The following MALT1 variants were observed in gnomAD, a reference collection of about 807,000 sequenced individuals.
MALT1 encodes the protein mucosa-associated lymphoid tissue lymphoma translocation protein 1.
MALT1 carries 36 observed loss-of-function variants against 85.5 expected under a neutral mutation model. The ratio of observed to expected loss-of-function variants is 0.42; its 90% CI spans 0.32 to 0.56. The LOEUF is 0.56. Among genes scored for constraint, MALT1 ranks in the 20% least tolerant of loss-of-function variants. MALT1 has a pLI of 0.10. For missense variants in MALT1, 716 were observed against 981.6 expected (o/e 0.73, Z 3.62); for synonymous variants, 359 against 361.3 (o/e 0.99, Z 0.07).
chr18:58,727,618 T>G lies in MALT1; in HGVS notation c.1222+4367T>G, dbSNP rs572387499. ...CCAGCCTGCCAAAGGTTTTTTGTGT[T>G]TTTTTTTTTGTTTTTTTTTTTTTTG... is the stretch of plus-strand genomic sequence containing the variant. On this transcript the variant is annotated intron_variant, in intron 10 of 16. Transcript: ENST00000649217. Among the ~76,000 whole-genome samples, 1,007 of 138,386 alleles carry G rather than the reference T, an allele frequency of 7.3e-3. 9 individuals are homozygous for G. The highest frequency in any genetic ancestry group is 0.014 in the Admixed American group (189 of 13,088). The allele number at this position is 138,386 out of a possible 152,430, so 90.8% of individuals were successfully genotyped here.
At chr18:58,684,717 A>G (rs2054374960) in intron 2 of MALT1, among the ~76,000 whole-genome samples, 1 of 152,194 alleles carries the variant, frequency 6.6e-6, no homozygotes, top group African/African-American at 2.4e-5. Flanking sequence ...AAGTGCTGGG[A>G]TTACAGGCGT....
chr18:58,701,282 G>A (rs937624958), intron 4 of MALT1, among the ~76,000 whole-genome samples: 21 of 151,894 alleles, frequency 1.4e-4, no homozygotes, highest in African/African-American at 4.8e-4. Context: ...ATTCAACTTC[G>A]TTTCTCCCTG....
chr18:58,737,195 T>G (rs1401201974), intron 13 of MALT1, among the ~76,000 whole-genome samples: 1 of 151,858 alleles, frequency 6.6e-6, no homozygotes, highest in Non-Finnish European at 1.5e-5. Flanking sequence ...AAAAATTATT[T>G]GGGGCCAGGT....
chr18:58,674,032 G>T (rs1337893317), intron 1 of MALT1: 1 of 152,068 alleles, frequency 6.6e-6, no homozygotes, highest in African/African-American at 2.4e-5. Context: ...GTCTTTGGGG[G>T]CAGATCTCCA....
At chr18:58,706,075 T>C (rs934673260) in intron 4 of MALT1, among the ~76,000 whole-genome samples, 4 of 151,862 alleles carry the variant, frequency 2.6e-5, no homozygotes, top group Admixed American at 1.3e-4. Flanking sequence ...AAGCTCTGCC[T>C]CCTGAGTTCA....
intron 8 of MALT1, among the ~76,000 whole-genome samples, chr18:58,715,147 T>C (rs2054881536): frequency 6.6e-6 from 1 of 152,194 alleles, no homozygotes; most frequent in African/African-American, 2.4e-5. Context: ...TTTCTCTTAC[T>C]GGGGGAGAAT....
chr18:58,692,543 A>T (rs539647180), intron 2 of MALT1, among the ~76,000 whole-genome samples: 59 of 149,156 alleles, frequency 4.0e-4, no homozygotes, highest in Non-Finnish European at 7.7e-4. Context: ...TATTGAAATT[A>T]AGCTGATTAA....
chr18:58,740,346 T>C (rs1346497109), intron 13 of MALT1, among the ~76,000 whole-genome samples: 1 of 152,136 alleles, frequency 6.6e-6, no homozygotes, highest in Non-Finnish European at 1.5e-5. Flanking sequence ...CTGCTGTTTA[T>C]TTATGTCTTG....
intron 4 of MALT1, among the ~76,000 whole-genome samples, chr18:58,701,508 T>A (rs768689536): frequency 9.9e-5 from 15 of 152,242 alleles, no homozygotes; most frequent in Admixed American, 2.6e-4. Context: ...CTGAGCAGTG[T>A]AGGGATAAGG....
At chr18:58,676,743 T>C (rs1016184485) in intron 1 of MALT1, among the ~76,000 whole-genome samples, 1 of 152,238 alleles carries the variant, frequency 6.6e-6, no homozygotes, top group African/African-American at 2.4e-5. Flanking sequence ...TGTACTTCTC[T>C]AGAATGAAAG....
chr18:58,705,328 ATT>A (rs1491271656), intron 4 of MALT1, among the ~76,000 whole-genome samples: 1 of 132,196 alleles, frequency 7.6e-6, no homozygotes, highest in African/African-American at 3.1e-5. Flanking sequence ...GTGTGTATTT[ATT>A]TTTATTATTA....
chr18:58,699,484 G>T (rs1191499840), intron 3 of MALT1, among the ~76,000 whole-genome samples: 3 of 152,196 alleles, frequency 2.0e-5, no homozygotes, highest in Non-Finnish European at 4.4e-5. Flanking sequence ...TGGAGAGGGA[G>T]GAGGTGAGCT....
chr18:58,727,621 TTTTTTTG>T (rs1016112721), intron 10 of MALT1, among the ~76,000 whole-genome samples: 1 of 127,086 alleles, frequency 7.9e-6, no homozygotes, highest in African/African-American at 2.8e-5. Flanking sequence ...TTTGTGTTTT[TTTTTTTG>T]TTTTTTTTTT....
intron 5 of MALT1, among the ~76,000 whole-genome samples, 191 bp from the exon 6 acceptor site, chr18:58,709,785 C>T (rs903982667): frequency 1.3e-5 from 2 of 152,170 alleles, no homozygotes; most frequent in African/African-American, 2.4e-5. Flanking sequence ...TTGCATGAAA[C>T]TCAGCACTGT....
At chr18:58,728,388 G>A (rs1028159232) in intron 10 of MALT1, among the ~76,000 whole-genome samples, 2 of 139,188 alleles carry the variant, frequency 1.4e-5, no homozygotes, top group Non-Finnish European at 3.1e-5. Flanking sequence ...AGGGTTGCTT[G>A]AGCCCAGGAG....
chr18:58,742,648 C>T (rs1239323354), intron 14 of MALT1, among the ~76,000 whole-genome samples: 3 of 152,168 alleles, frequency 2.0e-5, no homozygotes, highest in African/African-American at 7.2e-5. Context: ...GTGGAGGTTG[C>T]AGTGCAGTGA....
Position 58,745,692 on chromosome 18 carries a change from A to T in MALT1, c.1938A>T (p.Ala646=), listed in dbSNP as rs765192992. 3 of 1,613,694 alleles carry T rather than the reference A, an allele frequency of 1.9e-6. No individual in the cohort carries two copies. In the South Asian group the frequency reaches 3.3e-5, roughly 18 times the overall value. The change falls in exon 16 of 17, where the codon GCA becomes GCT. Residue 646 remains alanine (A), a synonymous_variant. Transcript: ENST00000649217. The part of the protein sequence containing the change: ...PLDLDIDPKD[A]NKGTPEETGS... Reference sequence around the variant, plus strand: ...ATCTAGATATTGATCCAAAAGATGCAAATAAAGGCACACCTGAAGAAACTG... The same window carrying T: ...ATCTAGATATTGATCCAAAAGATGCTAATAAAGGCACACCTGAAGAAACTG...
In MALT1 at chr18:58,696,337, AT is replaced by A. The variant is rs574285957; in HGVS notation, c.377-3del. 107,436 of 981,548 alleles carry A rather than the reference AT, an allele frequency of 0.11. 15 individuals are homozygous for A. The highest frequency in any genetic ancestry group is 0.13 in the East Asian group (3,375 of 25,684). 60.8% of individuals were successfully genotyped at this position (981,548 alleles called of 1,614,324 possible). ...AAGGAAAATCCCTCTTGTGACTTTA[AT>A]TTTTTTTTTTTTTTTTTTTTTTTTT... On this transcript the variant is annotated intron_variant, in intron 2 of 16. Transcript: ENST00000649217.
At chr18:58,708,125 G>A (rs749678333) in intron 4 of MALT1, among the ~76,000 whole-genome samples, 5 of 152,164 alleles carry the variant, frequency 3.3e-5, no homozygotes, top group Admixed American at 6.5e-5. Flanking sequence ...AGGGCCTCGT[G>A]GGCCTCCAAG....
Sources: allele counts gnomAD v4.1 joint callset (sites outside exome capture counted in the v4.1 genomes callset), GRCh38; gene constraint gnomAD v4.1.1; transcripts MANE v1.5; gene names NCBI Gene and HGNC (gene_info 2026-07-23, HGNC 2026-07-21).